Variants in NCKAP5 observed in about 807,000 individuals in gnomAD.
NCKAP5 encodes the protein NCK associated protein 5, also known as nck-associated protein 5.
NCKAP5 carries 92 observed loss-of-function variants against 167.0 expected under a neutral mutation model. The observed-to-expected ratio is 0.55, with a 90% CI of 0.47 to 0.66. NCKAP5 has a LOEUF of 0.66. Among genes scored for constraint, NCKAP5 ranks in the 30% least tolerant of loss-of-function variants. The pLI is 0.00. For missense variants in NCKAP5, 2,378 were observed against 2,315.0 expected, an observed-to-expected ratio of 1.03 and a Z score of -0.56; for synonymous variants, 891 against 877.4, an observed-to-expected ratio of 1.02 and a Z score of -0.27.
the NCKAP5 span, among the ~76,000 whole-genome samples, chr2:133,669,029 G>A: frequency 6.6e-6 from 1 of 152,126 alleles, no homozygotes; most frequent in Admixed American, 6.5e-5. Flanking sequence ...ATAAAGTTTT[G>A]TCCCTTCCAG....
At chr2:133,368,456 T>C (rs1404066125) in intron 3 of NCKAP5, among the ~76,000 whole-genome samples, 1 of 152,248 alleles carries the variant, frequency 6.6e-6, no homozygotes, top group East Asian at 1.9e-4. Context: ...TGAGAAAGTA[T>C]GATTTTTAAA....
intron 16 of NCKAP5, among the ~76,000 whole-genome samples, chr2:132,758,500 G>A (rs1680739198): frequency 6.6e-6 from 1 of 152,144 alleles, no homozygotes; most frequent in African/African-American, 2.4e-5. Context: ...TATCTATAAT[G>A]TCTAGTAAAC....
At chr2:133,583,849 G>T in the NCKAP5 span, among the ~76,000 whole-genome samples, 2 of 152,122 alleles carry the variant, frequency 1.3e-5, no homozygotes, top group African/African-American at 4.8e-5. Flanking sequence ...TGCCTCCTGG[G>T]TTCACGCCAT....
At chr2:133,422,126 A>G (rs1025381553) in intron 3 of NCKAP5, among the ~76,000 whole-genome samples, 2 of 152,232 alleles carry the variant, frequency 1.3e-5, no homozygotes, top group African/African-American at 4.8e-5. Flanking sequence ...CTGGGGAGGT[A>G]TGGAGCAAAC....
chr2:133,580,864 T>TTC, the NCKAP5 span, among the ~76,000 whole-genome samples: 2 of 152,054 alleles, frequency 1.3e-5, no homozygotes, highest in African/African-American at 4.8e-5. Context: ...AGTACAAAGT[T>TTC]TCTCTCTCTC....
rs375089947 is a variant in NCKAP5, at chr2:133,167,181, TAA to T, written c.208-37072_208-37071del. Reference sequence around the variant, plus strand: ...TGGGACTGAAGCCCTTTGGTGAAAATAAAAAGTTTAAGTGACAACACTTAGTG... The same window carrying T: ...TGGGACTGAAGCCCTTTGGTGAAAATAAAGTTTAAGTGACAACACTTAGTG... On this transcript the variant is annotated intron_variant, in intron 5 of 19. Coordinates refer to ENST00000409261, the MANE Select transcript of NCKAP5 (RefSeq NM_207363.3). 2.8e-3 allele frequency among the ~76,000 whole-genome samples: 419 copies of T among 152,158 alleles called. 2 individuals are homozygous for T. The highest frequency in any genetic ancestry group is 9.9e-3 in the African/African-American group (410 of 41,506).
In NCKAP5 at chr2:132,785,435, C is replaced by A. The variant is rs780175056; in HGVS notation, c.1376G>T (p.Ser459Ile). 3 of 1,613,684 alleles carry A rather than the reference C, an allele frequency of 1.9e-6. No homozygotes were observed. The highest frequency in any genetic ancestry group is 2.7e-5 in the African/African-American group (2 of 74,920). ...YPPCKTADLG[S>I]PCKEPHKTFV... ...TGTCTTGTGGGGTTCCTTGCAGGGG[C>A]TCCCCAGGTCAGCTGTTTTGCAGGG... Residue 459 changes from serine to isoleucine, a missense_variant, in exon 14 of 20, where the codon AGC becomes ATC. Ser to Ile is a moderately radical substitution (Grantham distance 142). Around this residue, in one of 3 missense-constraint regions of NCKAP5, gnomAD observed 1,049 missense variants for 1,023.4 expected, o/e 1.02. Transcript: ENST00000409261.
At chr2:133,666,852 A>G in the NCKAP5 span, among the ~76,000 whole-genome samples, 2 of 151,990 alleles carry the variant, frequency 1.3e-5, no homozygotes, top group Non-Finnish European at 2.9e-5. Flanking sequence ...TGGTCAGAGT[A>G]TTACAGCAAG....
intron 3 of NCKAP5, among the ~76,000 whole-genome samples, chr2:133,433,308 G>T (rs1165928073): frequency 6.6e-6 from 1 of 152,172 alleles, no homozygotes; most frequent in African/African-American, 2.4e-5. Flanking sequence ...ACCTTTCATA[G>T]ATACTTGGAG....
intron 2 of NCKAP5, among the ~76,000 whole-genome samples, chr2:133,532,953 A>C (rs1368092): frequency 6.6e-6 from 1 of 151,986 alleles, no homozygotes; most frequent in South Asian, 2.1e-4. Flanking sequence ...CAGAGGCTAG[A>C]GGGAGGTGGA....
intron 2 of NCKAP5, among the ~76,000 whole-genome samples, chr2:133,546,642 T>C (rs1311998459): frequency 6.6e-6 from 1 of 152,090 alleles, no homozygotes; most frequent in African/African-American, 2.4e-5. Flanking sequence ...ATATGCCTGT[T>C]CCCAGCACCA....
At chr2:132,850,587 A>G (rs1441081297) in intron 11 of NCKAP5, among the ~76,000 whole-genome samples, 5 of 152,022 alleles carry the variant, frequency 3.3e-5, no homozygotes, top group African/African-American at 9.7e-5. Flanking sequence ...TCAAAGCTTT[A>G]TCAATGTAAC....
intron 5 of NCKAP5, among the ~76,000 whole-genome samples, chr2:133,188,385 A>G: frequency 6.6e-6 from 1 of 152,084 alleles, no homozygotes; most frequent in East Asian, 1.9e-4. Context: ...CGAGACAGAA[A>G]GTTAACAAGG....
chr2:133,197,934 G>A (rs1247381112), intron 5 of NCKAP5, among the ~76,000 whole-genome samples: 1 of 151,940 alleles, frequency 6.6e-6, no homozygotes, highest in Admixed American at 6.6e-5. Flanking sequence ...TGGTGACAGA[G>A]CGAGACTCCA....
At chr2:132,907,828 T>C (rs1433722078) in intron 8 of NCKAP5, among the ~76,000 whole-genome samples, 1 of 151,880 alleles carries the variant, frequency 6.6e-6, no homozygotes, top group African/African-American at 2.4e-5. Context: ...CGGCTAATTT[T>C]TTGTAGTTTT....
chr2:133,166,162 G>A (rs2083993464), intron 5 of NCKAP5, among the ~76,000 whole-genome samples: 1 of 152,128 alleles, frequency 6.6e-6, no homozygotes. Context: ...GGATGAAAAG[G>A]AGTCACTCAT....
intron 4 of NCKAP5, among the ~76,000 whole-genome samples, chr2:133,251,302 T>A (rs1298538381): frequency 6.6e-6 from 1 of 152,162 alleles, no homozygotes; most frequent in African/African-American, 2.4e-5. Flanking sequence ...CTGGAACCAA[T>A]CCCCTGAGCA....
At chr2:133,512,674 C>T (rs1683596593) in intron 3 of NCKAP5, among the ~76,000 whole-genome samples, 2 of 152,174 alleles carry the variant, frequency 1.3e-5, no homozygotes, top group African/African-American at 4.8e-5. Context: ...TGAAGATAAA[C>T]AGCAGAGATT....
At chr2:133,126,732 T>C (rs2082415300) in intron 6 of NCKAP5, among the ~76,000 whole-genome samples, 1 of 152,228 alleles carries the variant, frequency 6.6e-6, no homozygotes, top group Admixed American at 6.5e-5. Context: ...GGCCATGAGA[T>C]AATAATTACA....
Sources: allele counts gnomAD v4.1 joint callset (sites outside exome capture counted in the v4.1 genomes callset), GRCh38; gene constraint gnomAD v4.1.1; regional missense constraint gnomAD v4.1.1; transcripts MANE v1.5; gene names NCBI Gene and HGNC (gene_info 2026-07-23, HGNC 2026-07-21).